Variants in ANKH observed in about 807,000 individuals in gnomAD.
ANKH encodes the protein mineralization regulator ANKH.
Under a neutral mutation model 49.0 loss-of-function variants are expected in ANKH, and 15 were observed. That is an observed-to-expected ratio of 0.31 (90% CI 0.20 to 0.47). The LOEUF (loss-of-function observed/expected upper bound fraction) is 0.47. Among genes scored for constraint, ANKH ranks in the 20% least tolerant of loss-of-function variants. The pLI, the probability that ANKH is intolerant of heterozygous loss-of-function variation, is 1.00. For missense variants in ANKH, 429 were observed against 652.0 expected, an observed-to-expected ratio of 0.66 and a Z score of 3.72; for synonymous variants, 273 against 260.0, an observed-to-expected ratio of 1.05 and a Z score of -0.48.
At chr5:14,779,756 T>C (rs766189321) in intron 1 of ANKH, among the ~76,000 whole-genome samples, 36 of 152,224 alleles carry the variant, frequency 2.4e-4, no homozygotes, top group Non-Finnish European at 4.6e-4. Context: ...ACTGTACCTA[T>C]TCATGTAGTT....
intron 1 of ANKH, among the ~76,000 whole-genome samples, chr5:14,831,654 T>C (rs1415750019): frequency 6.6e-6 from 1 of 152,150 alleles, no homozygotes; most frequent in Non-Finnish European, 1.5e-5. Flanking sequence ...CAGGAAACCA[T>C]CTTCAATGTA....
chr5:14,822,970 C>T (rs1039564319), intron 1 of ANKH, among the ~76,000 whole-genome samples: 2 of 151,660 alleles, frequency 1.3e-5, no homozygotes, highest in African/African-American at 4.9e-5. Context: ...GAAGGCGGAG[C>T]TTGCAGTGAG....
chr5:14,723,618 G>A (rs926761719), intron 8 of ANKH, among the ~76,000 whole-genome samples: 1 of 152,118 alleles, frequency 6.6e-6, no homozygotes, highest in African/African-American at 2.4e-5. Context: ...CAGCCTGAGT[G>A]ACAAGATCCT....
At chr5:14,813,191 T>A (rs1740937260) in intron 1 of ANKH, among the ~76,000 whole-genome samples, 1 of 151,702 alleles carries the variant, frequency 6.6e-6, no homozygotes, top group African/African-American at 2.4e-5. Context: ...CAGTGAGCTA[T>A]GATCAGGCCA....
chr5:14,713,074 T>G lies in ANKH; in HGVS notation c.1266-101A>C. 8.6e-7 allele frequency: 1 copy of G among 1,165,346 alleles called. No individual in the cohort carries two copies. Among genetic ancestry groups the G allele is most frequent in the East Asian group, 2.6e-5 (1 of 39,202 alleles). 72.2% of individuals were successfully genotyped at this position (1,165,346 alleles called of 1,614,324 possible). A position where few individuals can be genotyped will look rare whatever the true frequency, so the allele number is the denominator to read the frequency against. On this transcript the variant is annotated intron_variant, in intron 10 of 11. Transcript: ENST00000284268. The surrounding 1 kb of genome is among the most constrained non-coding windows in gnomAD (Gnocchi z 4.4). ...AAAGTAAGTGTAGCCTCGAGACGGC[T>G]GAGACCAGCGGCGTTCTCCATCTGC...
intron 1 of ANKH, among the ~76,000 whole-genome samples, chr5:14,785,681 A>G (rs1471693242): frequency 6.6e-6 from 1 of 152,240 alleles, no homozygotes; most frequent in Non-Finnish European, 1.5e-5. Context: ...ATCATGTAGG[A>G]AAATTTTAAT....
At chr5:14,711,687 C>A (rs1474406004) in intron 11 of ANKH, among the ~76,000 whole-genome samples, 3 of 152,236 alleles carry the variant, frequency 2.0e-5, no homozygotes, top group African/African-American at 7.2e-5. Context: ...TGGAATCTCA[C>A]ATTATCAAAA....
intron 1 of ANKH, chr5:14,869,150 C>T (rs1424411445): frequency 1.3e-5 from 2 of 152,242 alleles, no homozygotes; most frequent in African/African-American, 4.8e-5. Context: ...ATTTCTCCTC[C>T]TCTTTACTGT....
rs983994868 is a variant in ANKH at position 14,707,857 on chromosome 5, C to G, written c.*3340G>C. ...GCTAAAAATCAAGGCAAAGTAAAAACAAAGGAAGAGTAACTTTGGCACAAG... is the reference window on the plus strand; with the variant it reads ...GCTAAAAATCAAGGCAAAGTAAAAAGAAAGGAAGAGTAACTTTGGCACAAG... On this transcript the variant is annotated 3_prime_UTR_variant, in exon 12 of 12. Coordinates refer to ENST00000284268, the MANE Select transcript of ANKH (RefSeq NM_054027.6). 4 of 152,152 alleles carry G rather than the reference C, an allele frequency of 2.6e-5. No individual in the cohort carries two copies. Among genetic ancestry groups the G allele is most frequent in the African/African-American group, 9.7e-5 (4 of 41,418 alleles). 9.4% of individuals were successfully genotyped at this position (152,152 alleles called of 1,614,324 possible). A position where few individuals can be genotyped will look rare whatever the true frequency, so the allele number is the denominator to read the frequency against.
intron 1 of ANKH, among the ~76,000 whole-genome samples, chr5:14,776,005 T>C (rs771641255): frequency 1.1e-4 from 16 of 152,006 alleles, no homozygotes; most frequent in Non-Finnish European, 2.2e-4. Context: ...GGAGAGCTTG[T>C]GGGAAGGAAA....
At position 14,713,691 on chromosome 5, in the gene ANKH, G is replaced by A. The variant is rs767601513; in HGVS notation, c.1142-24C>T. The A allele has an allele frequency of 1.7e-5, 28 of 1,612,696 alleles. 1 individual carries two copies. The highest frequency in any genetic ancestry group is 8.8e-5 in the South Asian group (8 of 91,028). ...GACTGTTGGGAGGAGCAAAGGACTC[G>A]TCAGCCGTGCCCGCCATCCACTCCC... On this transcript the variant is annotated intron_variant, in intron 9 of 11. Transcript: ENST00000284268. This position sits in a 1 kb window ranked among gnomAD's most constrained non-coding sequence, Gnocchi z 4.4.
intron 1 of ANKH, among the ~76,000 whole-genome samples, chr5:14,830,510 AGTGTGTGTGT>A (rs35379260): frequency 2.0e-5 from 3 of 147,292 alleles, no homozygotes; most frequent in Non-Finnish European, 4.5e-5. Flanking sequence ...AGGTAGGGGG[AGTGTGTGTGT>A]GTGTGTGTGT....
chr5:14,834,620 A>C (rs1008804047), intron 1 of ANKH, among the ~76,000 whole-genome samples: 5 of 152,122 alleles, frequency 3.3e-5, no homozygotes, highest in African/African-American at 1.2e-4. Context: ...GTCTCTAAAA[A>C]ATACGTAAAA....
intron 1 of ANKH, among the ~76,000 whole-genome samples, chr5:14,847,563 TC>T (rs1351158338): frequency 3.3e-5 from 5 of 152,114 alleles, no homozygotes; most frequent in Admixed American, 1.3e-4. Context: ...GCAGGCCTGG[TC>T]CTTCTAGCTG....
chr5:14,799,452 G>T (rs575928060), intron 1 of ANKH, among the ~76,000 whole-genome samples: 47 of 152,320 alleles, frequency 3.1e-4, no homozygotes, highest in African/African-American at 1.1e-3. Context: ...GACTTTCACA[G>T]CTAGAAAAGA....
chr5:14,827,881 T>C (rs531395721), intron 1 of ANKH, among the ~76,000 whole-genome samples: 94 of 152,308 alleles, frequency 6.2e-4, no homozygotes, highest in Non-Finnish European at 1.0e-3. Flanking sequence ...TAATCTGAAA[T>C]GGTAACTTGA....
intron 1 of ANKH, among the ~76,000 whole-genome samples, chr5:14,771,675 C>T (rs1739432627): frequency 6.6e-6 from 1 of 152,068 alleles, no homozygotes; most frequent in Non-Finnish European, 1.5e-5. Flanking sequence ...AATCCCAGCA[C>T]TTGTGGAGGC....
intron 8 of ANKH, chr5:14,724,638 C>G (rs544215592): frequency 1.2e-5 from 11 of 955,194 alleles, no homozygotes; most frequent in Middle Eastern, 1.1e-3. Flanking sequence ...CCTGCTTCCT[C>G]ACTTGCAGAG....
chr5:14,862,011 G>A (rs1226779301), intron 1 of ANKH, among the ~76,000 whole-genome samples: 1 of 152,186 alleles, frequency 6.6e-6, no homozygotes, highest in Non-Finnish European at 1.5e-5. Context: ...CAAGGCAGGT[G>A]GATCACTTGA....
Sources: allele counts gnomAD v4.1 joint callset (sites outside exome capture counted in the v4.1 genomes callset), GRCh38; gene constraint gnomAD v4.1.1; non-coding constraint Gnocchi (gnomAD v3.1); transcripts MANE v1.5; gene names NCBI Gene and HGNC (gene_info 2026-07-23, HGNC 2026-07-21).